ANXA11: variants seen among roughly 807,000 people sequenced by gnomAD.
The protein encoded by ANXA11 is 56 kDa autoantigen.
A neutral mutation model predicts 64.7 loss-of-function variants in ANXA11; 57 were observed. The observed-to-expected ratio is 0.88, with a 90% CI of 0.71 to 1.10. The LOEUF is 1.10. Ranked by LOEUF, ANXA11 falls within the 50% of genes least tolerant of loss-of-function variation. The probability of loss-of-function intolerance (pLI) is 0.00; values close to 1 mark genes in which losing one functional copy is unlikely to be tolerated. For missense variants in ANXA11, 675 were observed against 670.7 expected (o/e 1.01, Z -0.07); for synonymous variants, 260 against 265.2 (o/e 0.98, Z 0.19).
At chr10:80,203,441 C>T (rs1404718404) in intron 1 of ANXA11, among the ~76,000 whole-genome samples, 1 of 152,178 alleles carries the variant, frequency 6.6e-6, no homozygotes, top group African/African-American at 2.4e-5. Flanking sequence ...ACCCTCCCCA[C>T]GTTTCTCTAT....
At chr10:80,194,390 C>T (rs1487132622) in intron 1 of ANXA11, among the ~76,000 whole-genome samples, 1 of 152,062 alleles carries the variant, frequency 6.6e-6, no homozygotes, top group Non-Finnish European at 1.5e-5. Flanking sequence ...TGGGCTACAC[C>T]CCCTAGGATA....
At chr10:80,202,602 G>A (rs1840479785) in intron 1 of ANXA11, among the ~76,000 whole-genome samples, 1 of 152,026 alleles carries the variant, frequency 6.6e-6, no homozygotes. Flanking sequence ...GGGGGCAATG[G>A]GATCAGAGGG....
At position 80,169,204 on chromosome 10, in the gene ANXA11, G is replaced by T. The variant is rs1276265089; in HGVS notation, c.326C>A (p.Pro109Gln). Residue 109 changes from proline (P) to glutamine (Q), a missense_variant, in exon 5 of 16, where the codon CCA becomes CAA. Transcript: ENST00000422982. ...PVPPYGMYPP[P>Q]GGNPPSRMPS... ...CATCCTGGAGGGTGGGTTTCCTCCT[G>T]GGGGTGGATACATCCCATAGGGAGG... 1 of 1,608,692 alleles carries T rather than the reference G, an allele frequency of 6.2e-7. No individual in the cohort carries two copies. Among genetic ancestry groups the T allele is most frequent in the East Asian group, 2.2e-5 (1 of 44,834 alleles).
At chr10:80,173,912 T>G (rs959771367) in intron 2 of ANXA11, among the ~76,000 whole-genome samples, 15 of 152,138 alleles carry the variant, frequency 9.9e-5, no homozygotes, top group Non-Finnish European at 1.9e-4. Flanking sequence ...TCTGAGACAG[T>G]GGAACCAGTT....
At chr10:80,192,530 A>T (rs1466723975) in intron 1 of ANXA11, among the ~76,000 whole-genome samples, 1 of 152,240 alleles carries the variant, frequency 6.6e-6, no homozygotes, top group Non-Finnish European at 1.5e-5. Flanking sequence ...ATAATCAATA[A>T]TATCCTTAGA....
At position 80,164,925 on chromosome 10, in the gene ANXA11, G is replaced by A. The variant is rs148267970; in HGVS notation, c.859-782C>T. Among the ~76,000 whole-genome samples, 364 of 152,336 alleles carry A rather than the reference G, an allele frequency of 2.4e-3. 2 individuals carry two copies. The highest frequency in any genetic ancestry group is 7.4e-3 in the African/African-American group (309 of 41,584). On this transcript the variant is annotated intron_variant, in intron 8 of 15. Coordinates refer to ENST00000422982, the MANE Select transcript of ANXA11 (RefSeq NM_145868.2). ...TACAGCTACTATTGGGTTACTACAC[G>A]TTAGCCCCTCACCCAGTATTCCCAG...
chr10:80,168,233 C>T (rs529633356), intron 5 of ANXA11, among the ~76,000 whole-genome samples: 2 of 136,518 alleles, frequency 1.5e-5, no homozygotes, highest in East Asian at 4.1e-4. Context: ...TTTAATAATC[C>T]TCCAAAACCT....
At chr10:80,161,654 G>A (rs1845510032) in intron 12 of ANXA11, among the ~76,000 whole-genome samples, 1 of 152,232 alleles carries the variant, frequency 6.6e-6, no homozygotes, top group South Asian at 2.1e-4. Flanking sequence ...GGAAAACACT[G>A]GATTGGGTGC....
chr10:80,181,168 A>T (rs1460342587), intron 1 of ANXA11: 1 of 152,372 alleles, frequency 6.6e-6, no homozygotes, highest in Admixed American at 6.5e-5. Context: ...TGACAAGATG[A>T]GGCCAGGCAC....
chr10:80,163,389 C>T lies in ANXA11; in HGVS notation c.1046G>A (p.Ser349Asn), dbSNP rs748655395. 6.2e-7 allele frequency: 1 copy of T among 1,613,982 alleles called. No homozygotes were observed. Among genetic ancestry groups the T allele is most frequent in the Non-Finnish European group, 8.5e-7 (1 of 1,180,044 alleles). ...ISLSQGNRDE[S>N]TNVDMSLAQR... is the part of the protein sequence containing the mutation. ...GGCGAGTGACATGTCCACGTTTGTG[C>T]TTTCATCACGGTTTCCCTGAAAGGA... is the stretch of plus-strand genomic sequence containing the variant. Residue 349 changes from serine (S) to asparagine (N), a missense_variant, in exon 11 of 16, where the codon AGC becomes AAC. Ser to Asn is a conservative substitution (Grantham distance 46). Transcript: ENST00000422982.
intron 4 of ANXA11, among the ~76,000 whole-genome samples, chr10:80,169,784 C>A (rs1468568734): frequency 2.0e-5 from 3 of 152,196 alleles, no homozygotes; most frequent in Non-Finnish European, 4.4e-5. Context: ...GGAATAAAAA[C>A]CTAAATCCTT....
At chr10:80,200,803 GGGCGGGGGGATTGCTTGA>G (rs1160241765) in intron 1 of ANXA11, among the ~76,000 whole-genome samples, 1 of 152,190 alleles carries the variant, frequency 6.6e-6, no homozygotes, top group Non-Finnish European at 1.5e-5. Flanking sequence ...GGCTGAGGCG[GGGCGGGGGGATTGCTTGA>G]GGCCAGGGCT....
At chr10:80,162,406 A>G (rs1564602687) in intron 11 of ANXA11, among the ~76,000 whole-genome samples, 1 of 152,250 alleles carries the variant, frequency 6.6e-6, no homozygotes, top group Non-Finnish European at 1.5e-5. Context: ...GGATGTTACC[A>G]GCCAGAGAGA....
intron 14 of ANXA11, 70 bp downstream of exon 14, chr10:80,157,897 C>T: frequency 1.3e-6 from 2 of 1,599,900 alleles, no homozygotes; most frequent in South Asian, 1.1e-5. Flanking sequence ...GGCCTTCTGC[C>T]CTCAGCCCTT....
At chr10:80,194,211 C>CA (rs1023947947) in intron 1 of ANXA11, among the ~76,000 whole-genome samples, 12 of 152,220 alleles carry the variant, frequency 7.9e-5, no homozygotes, top group Middle Eastern at 3.4e-3. Context: ...ACAAAGAATA[C>CA]AAAAAATCTT....
At chr10:80,166,017 CAT>C in intron 8 of ANXA11, 65 bp downstream of exon 8, 3 of 1,016,064 alleles carry the variant, frequency 3.0e-6, no homozygotes, top group Admixed American at 2.0e-5. Flanking sequence ...TGTCCACACG[CAT>C]GCGCGCGTGC....
Position 80,194,907 on chromosome 10 carries a change from C to T in ANXA11, c.-58+10436G>A, listed in dbSNP as rs140721272. On this transcript the variant is annotated intron_variant, in intron 1 of 15. Transcript: ENST00000422982. ...GCACCTCCCTCCCTCCTTCAGCTGCCGGGCTGTCCTTGCAGGAATCTGCAT... is the reference window on the plus strand; with the variant it reads ...GCACCTCCCTCCCTCCTTCAGCTGCTGGGCTGTCCTTGCAGGAATCTGCAT... Among the ~76,000 whole-genome samples, 363 of 152,320 alleles carry T rather than the reference C, an allele frequency of 2.4e-3. 5 individuals carry two copies. The South Asian group carries it at 0.025, about 11-fold the overall frequency.
chr10:80,156,044 G>C (rs111534751), intron 15 of ANXA11, 132 bp from the exon 16 acceptor site: 3 of 857,472 alleles, frequency 3.5e-6, no homozygotes. Flanking sequence ...TCCCACTGCA[G>C]GTCCTGCAGC....
chr10:80,159,271 C>T, intron 12 of ANXA11, 76 bp from the exon 13 acceptor site: 1 of 1,167,010 alleles, frequency 8.6e-7, no homozygotes, highest in South Asian at 1.2e-5. Flanking sequence ...GTCCCAACTC[C>T]CAGGACTTCA....
Sources: gnomAD v4.1 joint callset for allele counts (sites outside exome capture counted in the v4.1 genomes callset) on GRCh38, gnomAD v4.1.1 for gene constraint, MANE v1.5 for transcripts, NCBI Gene and HGNC (gene_info 2026-07-23, HGNC 2026-07-21) for gene names.